Variants in EGF observed in about 807,000 individuals in gnomAD.
EGF encodes epidermal growth factor.
In EGF, 95 loss-of-function variants were observed where a neutral mutation model predicts 143.8. That is an observed-to-expected ratio of 0.66 (90% CI 0.56 to 0.78). EGF has a LOEUF of 0.78. EGF is among the 30% of genes least tolerant of loss of function. The pLI is 0.00. For synonymous variants in EGF, 510 were observed against 510.5 expected, an observed-to-expected ratio of 1.00 and a Z score of 0.01; for missense variants, 1,320 against 1,470.9, an observed-to-expected ratio of 0.90 and a Z score of 1.68.
chr4:109,917,520 A>G (rs1023313488), intron 1 of EGF, among the ~76,000 whole-genome samples: 5 of 151,718 alleles, frequency 3.3e-5, no homozygotes, highest in African/African-American at 1.2e-4. Context: ...TTCAATTTTT[A>G]CTTTACATTC....
chr4:109,969,116 G>T lies in EGF; in HGVS notation c.1721G>T (p.Arg574Ile), dbSNP rs753951180. 1.1e-5 allele frequency: 18 copies of T among 1,614,060 alleles called. No homozygotes were observed. In the South Asian group the frequency reaches 2.0e-4, roughly 18 times the overall value. ...WIGRRFYWTD[R>I]GKSLIGRSDL... Reference sequence around the variant, plus strand: ...GGCCGTAGATTCTATTGGACAGACAGAGGGTATGTTTTCTGCTTCAGTTTT... The same window carrying T: ...GGCCGTAGATTCTATTGGACAGACATAGGGTATGTTTTCTGCTTCAGTTTT... Residue 574 changes from arginine (R) to isoleucine (I), a missense_variant, in exon 11 of 24, where the codon AGA becomes ATA. Physicochemically the swap from Arg to Ile is moderately conservative, Grantham distance 97. Around this residue, in one of 5 missense-constraint regions of EGF, gnomAD observed 1,186 missense variants for 1,313.7 expected, o/e 0.90. Transcript: ENST00000265171.
At position 109,984,778 on chromosome 4, in the gene EGF, T is replaced by C. The variant is rs373497733; in HGVS notation, c.2491+1237T>C. Among the ~76,000 whole-genome samples, 24 of 152,352 alleles carry C rather than the reference T, an allele frequency of 1.6e-4. No individual in the cohort carries two copies. In the East Asian group the frequency reaches 1.7e-3, roughly 11 times the overall value. The stretch of plus-strand genomic sequence containing the variant: ...GACTGAGATCTATTAAGTTAGTGAC[T>C]TGACCAAAGGTTTTTGAAAATTATG... On this transcript the variant is annotated intron_variant, in intron 16 of 23. Transcript: ENST00000265171.
At chr4:109,929,163 TG>T (rs751814792) in intron 1 of EGF, among the ~76,000 whole-genome samples, 2 of 152,302 alleles carry the variant, frequency 1.3e-5, no homozygotes, top group South Asian at 2.1e-4. Flanking sequence ...TAAAACACAC[TG>T]AACAATTTCT....
At chr4:109,925,498 C>T (rs1738475915) in intron 1 of EGF, among the ~76,000 whole-genome samples, 1 of 151,964 alleles carries the variant, frequency 6.6e-6, no homozygotes, top group Admixed American at 6.6e-5. Flanking sequence ...ACTATTATTC[C>T]CATTTTATTT....
intron 21 of EGF, among the ~76,000 whole-genome samples, chr4:110,002,408 G>A (rs1190953234): frequency 1.3e-5 from 2 of 152,140 alleles, no homozygotes; most frequent in African/African-American, 2.4e-5. Context: ...TGGGAGGATC[G>A]CTTGAGCCAG....
intron 10 of EGF, among the ~76,000 whole-genome samples, chr4:109,967,474 C>G (rs1190284379): frequency 6.6e-6 from 1 of 151,986 alleles, no homozygotes; most frequent in African/African-American, 2.4e-5. Context: ...TACTATGGTG[C>G]CTTCAGCTTT....
chr4:109,943,497 T>C, intron 3 of EGF, 62 bp downstream of exon 3: 2 of 1,557,250 alleles, frequency 1.3e-6, no homozygotes, highest in East Asian at 2.3e-5. Flanking sequence ...ATTGATAGAA[T>C]TATAACATTG....
At chr4:109,932,924 GTATTAGAGACAAGT>G (rs1371498289) in intron 1 of EGF, among the ~76,000 whole-genome samples, 2 of 152,082 alleles carry the variant, frequency 1.3e-5, no homozygotes, top group East Asian at 1.9e-4. Context: ...ATGAATTGCT[GTATTAGAGACAAGT>G]TATTAGAGAC....
At chr4:110,009,832 A>G (rs1282564299) in intron 23 of EGF, among the ~76,000 whole-genome samples, 2 of 152,212 alleles carry the variant, frequency 1.3e-5, no homozygotes, top group African/African-American at 4.8e-5. Context: ...GTAGTTCCAT[A>G]AAACCATCTT....
intron 7 of EGF, among the ~76,000 whole-genome samples, 199 bp from the exon 8 acceptor site, chr4:109,961,664 C>T (rs1283771540): frequency 6.6e-6 from 1 of 151,896 alleles, no homozygotes; most frequent in Non-Finnish European, 1.5e-5. Context: ...ATTTAATATC[C>T]AGTTAATTTT....
At chr4:109,934,661 C>T (rs1308493778) in intron 1 of EGF, among the ~76,000 whole-genome samples, 2 of 152,082 alleles carry the variant, frequency 1.3e-5, no homozygotes. Context: ...AATGGTATTG[C>T]CTAGGTTTTC....
At chr4:109,943,144 A>G (rs1166179635) in intron 2 of EGF, 110 bp from the exon 3 acceptor site, 12 of 798,050 alleles carry the variant, frequency 1.5e-5, no homozygotes, top group South Asian at 2.2e-5. Flanking sequence ...TTGGAACTGC[A>G]TAAAGATGAC....
intron 18 of EGF, among the ~76,000 whole-genome samples, chr4:109,992,170 TAAAAAAAAAAA>T (rs58841408): frequency 0.01 from 686 of 65,668 alleles, 17 homozygotes; most frequent in African/African-American, 0.041. Flanking sequence ...CAAGATTCTT[TAAAAAAAAAAA>T]AAAAAAAAAA....
At chr4:109,975,795 T>G (rs1748400673) in intron 12 of EGF, among the ~76,000 whole-genome samples, 1 of 152,252 alleles carries the variant, frequency 6.6e-6, no homozygotes, top group African/African-American at 2.4e-5. Flanking sequence ...GAGCTTTAAT[T>G]CAACATTTCT....
intron 2 of EGF, among the ~76,000 whole-genome samples, chr4:109,941,356 G>C (rs1421645598): frequency 6.6e-6 from 1 of 152,184 alleles, no homozygotes; most frequent in Non-Finnish European, 1.5e-5. Flanking sequence ...ATGAGAAAGT[G>C]AGGATATGAA....
At chr4:109,982,685 G>C (rs946232456) in intron 15 of EGF, among the ~76,000 whole-genome samples, 1 of 152,006 alleles carries the variant, frequency 6.6e-6, no homozygotes, top group Admixed American at 6.6e-5. Flanking sequence ...GAAGAGCTCA[G>C]CTACTGGTAG....
intron 1 of EGF, among the ~76,000 whole-genome samples, chr4:109,925,881 C>T (rs1738552306): frequency 6.6e-6 from 1 of 152,182 alleles, no homozygotes; most frequent in Non-Finnish European, 1.5e-5. Flanking sequence ...ACAGAGAACA[C>T]CACAGCCTTC....
At chr4:109,945,499 G>C (rs747439804) in intron 5 of EGF, among the ~76,000 whole-genome samples, 25 of 152,138 alleles carry the variant, frequency 1.6e-4, no homozygotes, top group Non-Finnish European at 2.9e-4. Flanking sequence ...CATTTTGGAA[G>C]GCTGAGGTGG....
intron 21 of EGF, chr4:110,001,865 G>A (rs1429668181): frequency 1.0e-6 from 1 of 985,286 alleles, no homozygotes; most frequent in Admixed American, 6.1e-5. Flanking sequence ...ATCCAGAGTT[G>A]TACAATTCTT....
Sources: allele counts gnomAD v4.1 joint callset (sites outside exome capture counted in the v4.1 genomes callset), GRCh38; gene constraint gnomAD v4.1.1; regional missense constraint gnomAD v4.1.1; transcripts MANE v1.5; gene names NCBI Gene and HGNC (gene_info 2026-07-23, HGNC 2026-07-21).